The following TCF12 variants were observed in gnomAD, a reference collection of about 807,000 sequenced individuals.
TCF12 encodes transcription factor 12.
TCF12 carries 45 observed loss-of-function variants against 86.0 expected under a neutral mutation model. The ratio of observed to expected loss-of-function variants is 0.52; its 90% confidence interval spans 0.41 to 0.67. TCF12 has a LOEUF of 0.67. Ranked by LOEUF, TCF12 falls within the 30% of genes least tolerant of loss-of-function variation. The probability of loss-of-function intolerance (pLI) is 0.00; values close to 1 mark genes in which losing one functional copy is unlikely to be tolerated. For missense variants in TCF12, 881 were observed against 859.9 expected, an observed-to-expected ratio of 1.02 and a Z score of -0.31; for synonymous variants, 330 against 299.6, an observed-to-expected ratio of 1.10 and a Z score of -1.05.
chr15:57,015,195 G>A (rs1221112457), intron 3 of TCF12, among the ~76,000 whole-genome samples: 1 of 152,118 alleles, frequency 6.6e-6, no homozygotes, highest in Non-Finnish European at 1.5e-5. Context: ...GGCTGAGGTG[G>A]GAGGATCACC....
intron 3 of TCF12, among the ~76,000 whole-genome samples, chr15:57,053,976 GATTA>G (rs2067813684): frequency 1.3e-5 from 2 of 152,190 alleles, no homozygotes; most frequent in African/African-American, 4.8e-5. Flanking sequence ...GATAGCAGGA[GATTA>G]ATTAATGAGT....
intron 3 of TCF12, among the ~76,000 whole-genome samples, chr15:56,969,116 G>A (rs1458921067): frequency 6.6e-6 from 1 of 152,136 alleles, no homozygotes; most frequent in Non-Finnish European, 1.5e-5. Flanking sequence ...ATTTCCTTGT[G>A]GGCAAATTGT....
intron 5 of TCF12, among the ~76,000 whole-genome samples, chr15:57,150,147 A>G (rs190271694): frequency 2.0e-5 from 3 of 152,310 alleles, no homozygotes; most frequent in African/African-American, 7.2e-5. Context: ...CAAAAATCAG[A>G]ATTCAGAGAA....
chr15:57,057,114 G>A (rs1185765393), intron 3 of TCF12, among the ~76,000 whole-genome samples: 1 of 152,186 alleles, frequency 6.6e-6, no homozygotes, highest in Non-Finnish European at 1.5e-5. Flanking sequence ...GAAGTTGGTA[G>A]CTGCTCAGAT....
At chr15:57,209,980 A>G (rs1178949098) in intron 8 of TCF12, among the ~76,000 whole-genome samples, 2 of 152,170 alleles carry the variant, frequency 1.3e-5, no homozygotes, top group Non-Finnish European at 2.9e-5. Flanking sequence ...GTCATATCAC[A>G]CTGTCAATGA....
rs375489218 is a variant in TCF12 at position 57,228,648 on chromosome 15, T to G, written c.580-2504T>G. Among the ~76,000 whole-genome samples the G allele has an allele frequency of 3.1e-3, 469 of 152,220 alleles. 3 individuals carry two copies. The highest frequency in any genetic ancestry group is 0.011 in the African/African-American group (450 of 41,566). ...CAACCGTGAATAAACCATTTTCTGA[T>G]CAGCATATTCTCTTTTATTTAGCAG... On this transcript the variant is annotated intron_variant, in intron 8 of 20. Transcript: ENST00000333725.
intron 5 of TCF12, among the ~76,000 whole-genome samples, chr15:57,095,458 T>TC (rs557437907): frequency 1.4e-3 from 207 of 152,346 alleles, no homozygotes; most frequent in African/African-American, 4.8e-3. Flanking sequence ...CTGGCTTCCA[T>TC]CCCCAAGTGA....
intron 5 of TCF12, among the ~76,000 whole-genome samples, chr15:57,118,037 G>T (rs1247786113): frequency 6.6e-6 from 1 of 152,014 alleles, no homozygotes; most frequent in Non-Finnish European, 1.5e-5. Context: ...AGCTTATCTT[G>T]TATTCAGTAC....
At chr15:57,145,829 C>T (rs552587842) in intron 5 of TCF12, among the ~76,000 whole-genome samples, 1 of 152,196 alleles carries the variant, frequency 6.6e-6, no homozygotes, top group African/African-American at 2.4e-5. Flanking sequence ...GCTCCTGCTG[C>T]GTGATAGTTG....
intron 7 of TCF12, among the ~76,000 whole-genome samples, chr15:57,194,491 G>T (rs1467543418): frequency 7.9e-5 from 12 of 152,106 alleles, no homozygotes; most frequent in Admixed American, 7.2e-4. Context: ...CTCATTGTTA[G>T]CCGCTCTTTC....
intron 3 of TCF12, among the ~76,000 whole-genome samples, chr15:57,036,312 G>C (rs571500163): frequency 2.9e-4 from 44 of 152,200 alleles, no homozygotes; most frequent in African/African-American, 1.0e-3. Flanking sequence ...AGTTGGAGAA[G>C]AGATATTTTA....
chr15:57,244,769 GTT>G (rs1219895464), intron 13 of TCF12, among the ~76,000 whole-genome samples: 2 of 148,472 alleles, frequency 1.3e-5, no homozygotes, highest in Non-Finnish European at 3.0e-5. Context: ...CGGCCCACAT[GTT>G]TTTTTTTTCT....
At position 57,247,072 on chromosome 15, in the gene TCF12, T is replaced by A. The variant is rs1302957676; in HGVS notation, c.1114+3522T>A. 5 of 565,040 alleles carry A rather than the reference T, an allele frequency of 8.8e-6. No individual in the cohort carries two copies. In the African/African-American group the frequency reaches 9.4e-5, roughly 11 times the overall value. 35.0% of individuals were successfully genotyped at this position (565,040 alleles called of 1,614,324 possible). On this transcript the variant is annotated intron_variant, in intron 13 of 20. Transcript: ENST00000333725. ...TCATAGTTTGATTGCTGTTGTTCACTATAATTTCCGAACTCATTATAGTTC... is the reference window on the plus strand; with the variant it reads ...TCATAGTTTGATTGCTGTTGTTCACAATAATTTCCGAACTCATTATAGTTC...
rs2056690036 is a variant in TCF12, at chr15:57,186,801, C to G, written c.391-5357C>G. ...TTCCAGGAATGCAAGGATAGTTTAGCCTATGAAAATTAGGCTGTGTAATTC... is the reference window on the plus strand; with the variant it reads ...TTCCAGGAATGCAAGGATAGTTTAGGCTATGAAAATTAGGCTGTGTAATTC... On this transcript the variant is annotated intron_variant, in intron 6 of 20. Transcript: ENST00000333725. 2.6e-5 allele frequency among the ~76,000 whole-genome samples: 4 copies of G among 152,054 alleles called. No homozygotes were observed. The South Asian group carries it at 8.3e-4, about 31-fold the overall frequency.
intron 5 of TCF12, among the ~76,000 whole-genome samples, chr15:57,154,047 A>G (rs1369075130): frequency 6.6e-6 from 1 of 152,142 alleles, no homozygotes; most frequent in Admixed American, 6.6e-5. Context: ...ATAAAAGAAC[A>G]AACAACAAAT....
At chr15:56,945,284 TTTC>T (rs1213467428) in intron 3 of TCF12, among the ~76,000 whole-genome samples, 1 of 152,208 alleles carries the variant, frequency 6.6e-6, no homozygotes, top group Non-Finnish European at 1.5e-5. Flanking sequence ...TTTTTGCTTT[TTTC>T]TTAATCCGTC....
At chr15:57,130,462 G>T (rs2052021393) in intron 5 of TCF12, among the ~76,000 whole-genome samples, 1 of 152,002 alleles carries the variant, frequency 6.6e-6, no homozygotes, top group Non-Finnish European at 1.5e-5. Context: ...AATCTTTTTA[G>T]ACAAAAGAGA....
chr15:57,075,835 T>TCTCTCTCTCTCTCTCTTTTC (rs778545170), intron 4 of TCF12, among the ~76,000 whole-genome samples: 7 of 50,006 alleles, frequency 1.4e-4, no homozygotes, highest in Non-Finnish European at 2.2e-4. Flanking sequence ...TCTCTCTCTC[T>TCTCTCTCTCTCTCTCTTTTC]TTTCTTTCTT....
chr15:57,277,178 A>G (rs60110883), intron 19 of TCF12, among the ~76,000 whole-genome samples: 1 of 152,150 alleles, frequency 6.6e-6, no homozygotes. Context: ...GATATTCCAC[A>G]TAAGCTGGGC....
Sources: allele counts gnomAD v4.1 joint callset (sites outside exome capture counted in the v4.1 genomes callset), GRCh38; gene constraint gnomAD v4.1.1; transcripts MANE v1.5; gene names NCBI Gene and HGNC (gene_info 2026-07-23, HGNC 2026-07-21).